The following STT3A variants were observed in gnomAD, a reference collection of about 807,000 sequenced individuals.
STT3A encodes the protein STT3 oligosaccharyltransferase complex catalytic subunit A.
In STT3A, 34 loss-of-function variants were observed where a neutral mutation model predicts 89.2. That is an observed-to-expected ratio of 0.38 (90% CI 0.29 to 0.51). The LOEUF is 0.51. Ranked by LOEUF, STT3A falls within the 20% of genes least tolerant of loss-of-function variation. The pLI is 0.89. For missense variants in STT3A, 555 were observed against 889.5 expected (o/e 0.62, Z 4.78); for synonymous variants, 282 against 310.3 (o/e 0.91, Z 0.96).
At chr11:125,612,391 C>T (rs138098589) in intron 11 of STT3A, among the ~76,000 whole-genome samples, 31 of 152,270 alleles carry the variant, frequency 2.0e-4, no homozygotes, top group African/African-American at 7.5e-4. Context: ...GACACACATG[C>T]ATATGTACAT....
At chr11:125,598,544 T>C (rs1042590235) in intron 3 of STT3A, among the ~76,000 whole-genome samples, 1 of 152,232 alleles carries the variant, frequency 6.6e-6, no homozygotes, top group Non-Finnish European at 1.5e-5. Context: ...CAAATAATTC[T>C]GTTTGGGGCC....
chr11:125,608,920 G>A (rs1939918130), intron 9 of STT3A, among the ~76,000 whole-genome samples: 1 of 151,836 alleles, frequency 6.6e-6, no homozygotes, highest in Non-Finnish European at 1.5e-5. Context: ...TATTGATTGG[G>A]TGGGAGAAGT....
intron 5 of STT3A, among the ~76,000 whole-genome samples, chr11:125,603,817 T>TA (rs2135920239): frequency 6.6e-6 from 1 of 152,348 alleles, no homozygotes; most frequent in African/African-American, 2.4e-5. Context: ...TCCAATGATG[T>TA]ACAGATATTG....
At position 125,597,024 on chromosome 11, in the gene STT3A, T is replaced by C. The variant is rs568911834; in HGVS notation, c.89-35T>C. 28 of 1,610,944 alleles carry C rather than the reference T, an allele frequency of 1.7e-5. No individual in the cohort carries two copies. The East Asian group carries it at 5.6e-4, about 32-fold the overall frequency. ...ATATCTGCTGTTCTTTCATGGCACA[T>C]TACCAATAAAATATTAACTCTCTGG... On this transcript the variant is annotated intron_variant, in intron 2 of 17. Coordinates refer to ENST00000392708, the MANE Select transcript of STT3A (RefSeq NM_152713.5).
intron 6 of STT3A, among the ~76,000 whole-genome samples, chr11:125,605,116 TTTTTA>T (rs1939793861): frequency 1.3e-5 from 1 of 77,448 alleles, no homozygotes; most frequent in Non-Finnish European, 3.0e-5. Flanking sequence ...GTTGTTGTTG[TTTTTA>T]TTTTTATTTT....
chr11:125,603,952 T>C (rs1939762157), intron 5 of STT3A, among the ~76,000 whole-genome samples: 1 of 152,212 alleles, frequency 6.6e-6, no homozygotes. Context: ...AGTGTCAGGT[T>C]TGGTGTCATC....
rs1940103933 is a variant in STT3A, at chr11:125,614,204, G to T, written c.1671+1G>T. 6.2e-7 allele frequency: 1 copy of T among 1,613,762 alleles called. No homozygotes were observed. Among genetic ancestry groups the T allele is most frequent in the Non-Finnish European group, 8.5e-7 (1 of 1,179,772 alleles). The stretch of plus-strand genomic sequence containing the variant: ...TACCCATATTTCTCGAGTAGGGCAG[G>T]TAAGATAAAGGGATGATCTTTGAGT... On this transcript the variant is annotated splice_donor_variant, in intron 14 of 17. Coordinates refer to ENST00000392708, the MANE Select transcript of STT3A (RefSeq NM_152713.5). LOFTEE classifies it high-confidence loss of function. This position sits in a 1 kb window ranked among gnomAD's most constrained non-coding sequence, Gnocchi z 4.9.
chr11:125,606,748 T>A (rs1939852305), intron 8 of STT3A, among the ~76,000 whole-genome samples: 1 of 152,134 alleles, frequency 6.6e-6, no homozygotes, highest in Admixed American at 6.6e-5. Flanking sequence ...AGATGAGTGA[T>A]CAGAGTTAAA....
chr11:125,614,306 G>T lies in STT3A; in HGVS notation c.1672-18G>T, dbSNP rs2081611678. 6.2e-7 allele frequency: 1 copy of T among 1,614,026 alleles called. No individual in the cohort carries two copies. The highest frequency in any genetic ancestry group is 1.3e-5 in the African/African-American group (1 of 75,026). On this transcript the variant is annotated intron_variant, in intron 14 of 17. Transcript: ENST00000392708. The surrounding 1 kb of genome is among the most constrained non-coding windows in gnomAD (Gnocchi z 4.9). ...GACTTGGGATTTTGCTCTGAGAATT[G>T]TACATTTGTTTTTCCAGGCAATGGC...
chr11:125,596,113 C>A, intron 2 of STT3A, 110 bp downstream of exon 2: 1 of 836,936 alleles, frequency 1.2e-6, no homozygotes, highest in Middle Eastern at 2.5e-4. Flanking sequence ...CAGATTGTTA[C>A]ATTTTTCCAT....
Position 125,613,235 on chromosome 11 carries a change from T to A in STT3A, c.1554+58T>A. The A allele has an allele frequency of 6.3e-7, 1 of 1,578,308 alleles. No homozygotes were observed. The highest frequency in any genetic ancestry group is 8.7e-7 in the Non-Finnish European group (1 of 1,154,854). The stretch of plus-strand genomic sequence containing the variant: ...TAGGGGCAAAGGGGAAGACATTTGA[T>A]GTTACAGTGAATCATACAGCTTTTA... On this transcript the variant is annotated intron_variant, in intron 13 of 17. Transcript: ENST00000392708. This position sits in a 1 kb window ranked among gnomAD's most constrained non-coding sequence, Gnocchi z 4.2.
intron 7 of STT3A, 26 bp from the exon 8 acceptor site, chr11:125,606,275 A>AGGCAT (rs1377712907): frequency 6.2e-7 from 1 of 1,606,378 alleles, no homozygotes; most frequent in Admixed American, 1.7e-5. Flanking sequence ...TACTCAGAGG[A>AGGCAT]ACTGTTTTTT....
chr11:125,613,980 A>G lies in STT3A; in HGVS notation c.1555-107A>G. 2 of 875,754 alleles carry G rather than the reference A, an allele frequency of 2.3e-6. No homozygotes were observed. The highest frequency in any genetic ancestry group is 1.6e-5 in the South Asian group (1 of 63,872). 54.2% of individuals were successfully genotyped at this position (875,754 alleles called of 1,614,324 possible). ...GCATTACTTTGTGAAGAAATTGATT[A>G]GTTAGCCAGGTGTCACTTCTGTCAG... is the stretch of plus-strand genomic sequence containing the variant. On this transcript the variant is annotated intron_variant, in intron 13 of 17. Transcript: ENST00000392708. This position sits in a 1 kb window ranked among gnomAD's most constrained non-coding sequence, Gnocchi z 4.2.
chr11:125,593,994 CTA>C (rs1343287491), intron 1 of STT3A, among the ~76,000 whole-genome samples: 1 of 152,052 alleles, frequency 6.6e-6, no homozygotes, highest in African/African-American at 2.4e-5. Context: ...TATAGGATAA[CTA>C]TTATTAGGAG....
intron 15 of STT3A, among the ~76,000 whole-genome samples, chr11:125,616,121 A>G (rs971359615): frequency 7.9e-5 from 12 of 152,322 alleles, no homozygotes; most frequent in South Asian, 4.1e-4. Flanking sequence ...ATAAAAGAAG[A>G]TAGTGTAGTT....
chr11:125,612,104 G>A (rs1361826024), intron 11 of STT3A, among the ~76,000 whole-genome samples: 2 of 151,858 alleles, frequency 1.3e-5, no homozygotes, highest in South Asian at 2.1e-4. Flanking sequence ...TTGAACTCCC[G>A]ACCTCAGGTG....
intron 6 of STT3A, 54 bp downstream of exon 6, chr11:125,604,301 C>A: frequency 6.4e-7 from 1 of 1,562,986 alleles, no homozygotes; most frequent in African/African-American, 1.4e-5. Flanking sequence ...TCCAACAGAG[C>A]TTCACAAAGT....
At chr11:125,603,087 T>C in intron 5 of STT3A, 139 bp downstream of exon 5, 1 of 990,118 alleles carries the variant, frequency 1.0e-6, no homozygotes, top group Non-Finnish European at 1.5e-6. Flanking sequence ...CCAAATTAAT[T>C]GGCTTCACTC....
intron 8 of STT3A, among the ~76,000 whole-genome samples, chr11:125,606,805 T>C (rs1443447064): frequency 1.3e-5 from 2 of 152,190 alleles, no homozygotes; most frequent in African/African-American, 2.4e-5. Flanking sequence ...TAGCAGAGAT[T>C]CCTGATCTTA....
Sources: gnomAD v4.1 joint callset for allele counts (sites outside exome capture counted in the v4.1 genomes callset) on GRCh38, gnomAD v4.1.1 for gene constraint, Gnocchi (gnomAD v3.1) non-coding constraint, MANE v1.5 for transcripts, NCBI Gene and HGNC (gene_info 2026-07-23, HGNC 2026-07-21) for gene names.